KIF24: variants seen among roughly 807,000 people sequenced by gnomAD.
KIF24 encodes kinesin family member 24, also known as kinesin-like protein KIF24.
In KIF24, 81 loss-of-function variants were observed where a neutral mutation model predicts 118.9. That is an observed-to-expected ratio of 0.68 (90% confidence interval 0.57 to 0.82). The LOEUF is 0.82. Ranked by LOEUF, KIF24 falls within the 40% of genes least tolerant of loss-of-function variation. The pLI, the probability that KIF24 is intolerant of heterozygous loss-of-function variation, is 0.00. For synonymous variants in KIF24, 599 were observed against 610.0 expected (o/e 0.98, Z 0.27); for missense variants, 1,560 against 1,661.6 (o/e 0.94, Z 1.06).
intron 6 of KIF24, among the ~76,000 whole-genome samples, chr9:34,276,140 C>T (rs1346320527): frequency 2.0e-5 from 3 of 152,104 alleles, no homozygotes; most frequent in African/African-American, 4.8e-5. Context: ...CGGTGGCTCA[C>T]GCCTATAATC....
chr9:34,256,719 TC>T lies in KIF24; in HGVS notation c.2887del (p.Asp963MetfsTer46). On this transcript the variant is annotated frameshift_variant, in exon 11 of 13. Coordinates refer to ENST00000402558, the MANE Select transcript of KIF24 (RefSeq NM_194313.4). LOFTEE classifies it high-confidence loss of function. ...CCCAGAAACCTCACTTTGGGAGGCA[TC>T]CTTTCTGAGATCAAAGGAAGAGCCT... ...GGGSSFDLRK[D>X]ASQSEVSGEN... 3 of 1,613,990 alleles carry T rather than the reference TC, an allele frequency of 1.9e-6. No individual in the cohort carries two copies. The highest frequency in any genetic ancestry group is 2.5e-6 in the Non-Finnish European group (3 of 1,179,886).
chr9:34,271,938 T>C lies in KIF24; in HGVS notation c.1216-8A>G. On this transcript the variant is annotated splice_region_variant and splice_polypyrimidine_tract_variant and intron_variant, in intron 6 of 12. Coordinates refer to ENST00000402558, the MANE Select transcript of KIF24 (RefSeq NM_194313.4). ...GCTGCCCTTTAAGATCACCTGAAAATAAAATCCACAGGATGACTTCCCCAA... is the reference window on the plus strand; with the variant it reads ...GCTGCCCTTTAAGATCACCTGAAAACAAAATCCACAGGATGACTTCCCCAA... The C allele has an allele frequency of 1.9e-6, 3 of 1,579,822 alleles. No homozygotes were observed. The highest frequency in any genetic ancestry group is 2.6e-6 in the Non-Finnish European group (3 of 1,162,130).
chr9:34,306,886 A>G (rs780777118), intron 2 of KIF24, among the ~76,000 whole-genome samples: 3 of 152,160 alleles, frequency 2.0e-5, no homozygotes, highest in Non-Finnish European at 4.4e-5. Flanking sequence ...GTCAACCCTG[A>G]GAAAGTTCTT....
rs1834865930 is a variant in KIF24, at chr9:34,256,827, G to A, written c.2780C>T (p.Ser927Leu). The A allele has an allele frequency of 1.2e-6, 2 of 1,613,996 alleles. No homozygotes were observed. Among genetic ancestry groups the A allele is most frequent in the Middle Eastern group, 1.7e-4 (1 of 6,048 alleles). ...VDWSRENSTS[S>L]GPSPRDSLAE... is the part of the protein sequence containing the mutation. ...CAGGCTGTCTCTGGGAGAAGGCCCTGAGGAAGTAGAGTTCTCTCTGCTCCA... is the reference window on the plus strand; with the variant it reads ...CAGGCTGTCTCTGGGAGAAGGCCCTAAGGAAGTAGAGTTCTCTCTGCTCCA... Residue 927 changes from serine (S) to leucine (L), a missense_variant, in exon 11 of 13, where the codon TCA (serine) becomes TTA (leucine). By Grantham distance (145) the Ser-to-Leu change is moderately radical (BLOSUM62 -2). Coordinates refer to ENST00000402558, the MANE Select transcript of KIF24 (RefSeq NM_194313.4).
At chr9:34,283,233 A>G (rs577255237) in intron 6 of KIF24, among the ~76,000 whole-genome samples, 2 of 151,616 alleles carry the variant, frequency 1.3e-5, no homozygotes, top group African/African-American at 4.8e-5. Flanking sequence ...AGCCGGGTGT[A>G]GTGGCACACA....
chr9:34,282,836 G>C (rs1488502848), intron 6 of KIF24, among the ~76,000 whole-genome samples: 1 of 152,106 alleles, frequency 6.6e-6, no homozygotes, highest in Non-Finnish European at 1.5e-5. Flanking sequence ...TGGATCACTT[G>C]AGGTCAGGAA....
chr9:34,311,661 CATATATACGTGTATATGTAT>C (rs1252920049), intron 1 of KIF24, among the ~76,000 whole-genome samples: 23 of 144,006 alleles, frequency 1.6e-4, no homozygotes, highest in African/African-American at 5.1e-4. Context: ...CGTGTATATA[CATATATACGTGTATATGTAT>C]ATATATACGT....
At chr9:34,328,842 G>A (rs557957377) in intron 1 of KIF24, among the ~76,000 whole-genome samples, 134 of 152,324 alleles carry the variant, frequency 8.8e-4, no homozygotes, top group African/African-American at 3.0e-3. Flanking sequence ...AAGCAAGAAG[G>A]CTTTGGGACT....
chr9:34,265,919 G>T (rs1020855517), intron 8 of KIF24, among the ~76,000 whole-genome samples: 1 of 151,668 alleles, frequency 6.6e-6, no homozygotes, highest in African/African-American at 2.4e-5. Flanking sequence ...TTGAGACAGG[G>T]TCTTGCTTTG....
chr9:34,315,540 A>C (rs1837303463), intron 1 of KIF24, among the ~76,000 whole-genome samples: 1 of 152,228 alleles, frequency 6.6e-6, no homozygotes, highest in African/African-American at 2.4e-5. Context: ...CATTTATGAC[A>C]TACATACTCA....
Position 34,311,390 on chromosome 9 carries a change from G to A in KIF24, c.-25-19C>T. 7.2e-7 allele frequency: 1 copy of A among 1,385,362 alleles called. No individual in the cohort carries two copies. Among genetic ancestry groups the A allele is most frequent in the Non-Finnish European group, 9.6e-7 (1 of 1,037,908 alleles). 85.8% of individuals were successfully genotyped at this position (1,385,362 alleles called of 1,614,324 possible). A position where few individuals can be genotyped will look rare whatever the true frequency, so the allele number is the denominator to read the frequency against. On this transcript the variant is annotated intron_variant, in intron 1 of 12. Transcript: ENST00000402558. ...ATAAACTCTGAAGAGAGAAAGAAAAGCCATTCGCTTGAAATAGAGTACATG... is the reference window on the plus strand; with the variant it reads ...ATAAACTCTGAAGAGAGAAAGAAAAACCATTCGCTTGAAATAGAGTACATG...
chr9:34,284,417 C>G lies in KIF24; in HGVS notation c.1215+2200G>C, dbSNP rs143181936. On this transcript the variant is annotated intron_variant, in intron 6 of 12. Transcript: ENST00000402558. ...CTCACAGCTGCAATGCTCCAAATAA[C>G]TCTAAAATAGAAACAACCCCAGTTG... Among the ~76,000 whole-genome samples the G allele has an allele frequency of 1.6e-3, 249 of 152,274 alleles. 5 individuals are homozygous for G. Among genetic ancestry groups the G allele is most frequent in the Admixed American group, 0.012 (189 of 15,278 alleles).
chr9:34,301,544 C>G (rs1044955659), intron 3 of KIF24, among the ~76,000 whole-genome samples: 1 of 152,072 alleles, frequency 6.6e-6, no homozygotes, highest in African/African-American at 2.4e-5. Context: ...AGTTTTTCTT[C>G]AGATTATAAA....
At chr9:34,307,794 G>C (rs1364845434) in intron 2 of KIF24, among the ~76,000 whole-genome samples, 3 of 149,792 alleles carry the variant, frequency 2.0e-5, no homozygotes, top group Non-Finnish European at 3.0e-5. Context: ...AAACCCAGGA[G>C]GTGGAGTTCA....
chr9:34,319,556 C>G (rs1837447968), intron 1 of KIF24: 1 of 1,120,242 alleles, frequency 8.9e-7, no homozygotes, highest in African/African-American at 1.5e-5. Context: ...ACTCCGACCA[C>G]CCCTTCATCT....
intron 1 of KIF24, among the ~76,000 whole-genome samples, chr9:34,314,498 G>A (rs1256534019): frequency 1.3e-5 from 2 of 151,936 alleles, no homozygotes; most frequent in African/African-American, 2.4e-5. Context: ...ATAGATACCT[G>A]AGCCCCATCC....
rs564447791 is a variant in KIF24, at chr9:34,318,778, C to T, written c.-25-7407G>A. The T allele has an allele frequency of 6.3e-5, 96 of 1,533,718 alleles. No homozygotes were observed. The highest frequency in any genetic ancestry group is 1.0e-4 in the Admixed American group (6 of 58,134). On this transcript the variant is annotated intron_variant, in intron 1 of 12. Coordinates refer to ENST00000402558, the MANE Select transcript of KIF24 (RefSeq NM_194313.4). This position sits in a 1 kb window ranked among gnomAD's most constrained non-coding sequence, Gnocchi z 4.9. ...CACTCAGCAACTCCACCGCGCGCAA[C>T]GTGACCTGGAAGCTGTGCAGTCGCC...
At chr9:34,296,853 A>G (rs1046761293) in intron 4 of KIF24, among the ~76,000 whole-genome samples, 164 bp downstream of exon 4, 2 of 152,208 alleles carry the variant, frequency 1.3e-5, no homozygotes, top group Non-Finnish European at 2.9e-5. Flanking sequence ...GGTAAATCCT[A>G]TAGAGATACT....
In KIF24 at chr9:34,254,243, T is replaced by TG. The variant is rs1834726245; in HGVS notation, c.*136dup. 1.0e-6 allele frequency: 1 copy of TG among 960,638 alleles called. No homozygotes were observed. Among genetic ancestry groups the TG allele is most frequent in the Non-Finnish European group, 1.5e-6 (1 of 684,862 alleles). The allele number at this position is 960,638 out of a possible 1,614,324, so 59.5% of individuals were successfully genotyped here. On this transcript the variant is annotated 3_prime_UTR_variant, in exon 13 of 13. Transcript: ENST00000402558. ...GGACCTATCTGAAGCCACGTGGGGC[T>TG]GGGGTGACGCTAGCATAGGCAGGAC... is the stretch of plus-strand genomic sequence containing the variant.
Sources: gnomAD v4.1 joint callset for allele counts (sites outside exome capture counted in the v4.1 genomes callset) on GRCh38, gnomAD v4.1.1 for gene constraint, Gnocchi (gnomAD v3.1) non-coding constraint, MANE v1.5 for transcripts, NCBI Gene and HGNC (gene_info 2026-07-23, HGNC 2026-07-21) for gene names.